Variants in RANBP2 observed in about 807,000 individuals in gnomAD.
RANBP2 encodes the protein RAN binding protein 2.
In RANBP2, 57 loss-of-function variants were observed where a neutral mutation model predicts 303.6. The observed-to-expected ratio is 0.19, with a 90% CI of 0.15 to 0.23. The LOEUF (loss-of-function observed/expected upper bound fraction) is 0.23. RANBP2 is among the 10% of genes least tolerant of loss of function. The pLI is 1.00. For missense variants in RANBP2, 3,138 were observed against 3,780.8 expected (o/e 0.83, Z 4.46); for synonymous variants, 1,167 against 1,301.5 (o/e 0.90, Z 2.23).
At chr2:109,389,144 A>C in the RANBP2 span, among the ~76,000 whole-genome samples, 1 of 152,220 alleles carries the variant, frequency 6.6e-6, no homozygotes, top group Non-Finnish European at 1.5e-5. Flanking sequence ...CATAGAACAC[A>C]GGTGAGCGTA....
the RANBP2 span, among the ~76,000 whole-genome samples, chr2:109,064,473 A>AAAC: frequency 2.7e-5 from 4 of 145,602 alleles, no homozygotes; most frequent in Non-Finnish European, 6.1e-5. Flanking sequence ...AAAAAAAAAC[A>AAAC]AAAACAAACT....
the RANBP2 span, among the ~76,000 whole-genome samples, chr2:109,119,781 C>A: frequency 2.8e-4 from 42 of 152,246 alleles, no homozygotes; most frequent in African/African-American, 9.1e-4. Flanking sequence ...ATTTTTAATA[C>A]TGAAAAAGAT....
the RANBP2 span, among the ~76,000 whole-genome samples, chr2:109,078,098 A>ATATATATATAGAGCGTG: frequency 6.7e-5 from 4 of 60,056 alleles, no homozygotes; most frequent in Admixed American, 7.7e-4. Flanking sequence ...ATATATATAT[A>ATATATATATAGAGCGTG]TATATATATA....
the RANBP2 span, among the ~76,000 whole-genome samples, chr2:108,858,571 T>G: frequency 6.6e-6 from 1 of 152,194 alleles, no homozygotes; most frequent in Non-Finnish European, 1.5e-5. Context: ...GCCAGTACGA[T>G]TTATTAGAGC....
chr2:109,234,499 C>T, the RANBP2 span, among the ~76,000 whole-genome samples: 1 of 152,198 alleles, frequency 6.6e-6, no homozygotes, highest in Admixed American at 6.5e-5. Flanking sequence ...TTCTTCTCAG[C>T]GAGTAGCTTG....
the RANBP2 span, among the ~76,000 whole-genome samples, chr2:109,439,902 AG>A: frequency 1.3e-5 from 2 of 152,192 alleles, no homozygotes; most frequent in African/African-American, 4.8e-5. Context: ...TTAGGTATTA[AG>A]AGAGTGTGGA....
the RANBP2 span, among the ~76,000 whole-genome samples, chr2:109,492,146 C>G: frequency 6.6e-6 from 1 of 152,162 alleles, no homozygotes; most frequent in Non-Finnish European, 1.5e-5. Flanking sequence ...GGCCGGTGTC[C>G]CAGTAAACCC....
chr2:108,764,676 C>G lies in RANBP2; in HGVS notation c.4137C>G (p.Asn1379Lys). The G allele has an allele frequency of 6.2e-7, 1 of 1,613,976 alleles. No individual in the cohort carries two copies. The highest frequency in any genetic ancestry group is 8.5e-7 in the Non-Finnish European group (1 of 1,179,948). ...AKKCVSCQNL[N>K]PSNKELVGPP... ...AATGTGTATCATGCCAAAATCTAAA[C>G]CCAAGCAATAAAGAGCTCGTTGGCC... The change falls in exon 20 of 29, where the codon AAC (asparagine) becomes AAG (lysine). Residue 1379 changes from asparagine to lysine, a missense_variant. Around this residue, in one of 20 missense-constraint regions of RANBP2, gnomAD observed 388 missense variants for 328.5 expected, o/e 1.18. Coordinates refer to ENST00000283195, the MANE Select transcript of RANBP2 (RefSeq NM_006267.5).
chr2:108,981,245 C>T, the RANBP2 span, among the ~76,000 whole-genome samples: 1 of 152,176 alleles, frequency 6.6e-6, no homozygotes, highest in Non-Finnish European at 1.5e-5. Flanking sequence ...CCTGTGTCCA[C>T]CTGAGGCTGG....
At chr2:109,532,188 T>C in the RANBP2 span, among the ~76,000 whole-genome samples, 1 of 152,204 alleles carries the variant, frequency 6.6e-6, no homozygotes, top group African/African-American at 2.4e-5. Context: ...CTAGAATTGC[T>C]TCTGGGCCCT....
At chr2:109,641,285 T>A in the RANBP2 span, among the ~76,000 whole-genome samples, 1 of 152,092 alleles carries the variant, frequency 6.6e-6, no homozygotes, top group African/African-American at 2.4e-5. Flanking sequence ...ATTACAGGAA[T>A]ACACCAGCAT....
the RANBP2 span, among the ~76,000 whole-genome samples, chr2:109,308,212 A>G: frequency 7.7e-6 from 1 of 130,636 alleles, no homozygotes; most frequent in Non-Finnish European, 1.6e-5. Flanking sequence ...TTGGCTGCAT[A>G]AATGTCTTCT....
At chr2:109,209,597 A>C in the RANBP2 span, among the ~76,000 whole-genome samples, 1 of 152,114 alleles carries the variant, frequency 6.6e-6, no homozygotes, top group Non-Finnish European at 1.5e-5. Context: ...TGAGTTTCCT[A>C]TCCACTCCCT....
At chr2:108,922,944 G>A in the RANBP2 span, among the ~76,000 whole-genome samples, 1 of 152,278 alleles carries the variant, frequency 6.6e-6, no homozygotes, top group Non-Finnish European at 1.5e-5. Context: ...CATTAATTGT[G>A]ATCACATTTA....
chr2:109,004,247 C>T, the RANBP2 span, among the ~76,000 whole-genome samples: 2 of 152,156 alleles, frequency 1.3e-5, no homozygotes, highest in African/African-American at 4.8e-5. Flanking sequence ...TGATGGCCCA[C>T]CCTCACGTGC....
chr2:109,271,448 G>A, the RANBP2 span, among the ~76,000 whole-genome samples: 33 of 152,184 alleles, frequency 2.2e-4, no homozygotes, highest in Non-Finnish European at 4.3e-4. Context: ...TTCAACAATG[G>A]ATACAGACCA....
At chr2:109,097,017 A>G in the RANBP2 span, among the ~76,000 whole-genome samples, 1 of 152,066 alleles carries the variant, frequency 6.6e-6, no homozygotes, top group South Asian at 2.1e-4. Flanking sequence ...TATACATAAA[A>G]ACTCTGGGCC....
chr2:109,151,543 C>A, the RANBP2 span, among the ~76,000 whole-genome samples: 1 of 152,228 alleles, frequency 6.6e-6, no homozygotes, highest in African/African-American at 2.4e-5. Context: ...ATATATTTAA[C>A]CCACTGTATC....
the RANBP2 span, among the ~76,000 whole-genome samples, chr2:109,285,138 T>A: frequency 6.6e-6 from 1 of 152,076 alleles, no homozygotes; most frequent in Non-Finnish European, 1.5e-5. Flanking sequence ...GGAGTAGGGG[T>A]GACAGTGAGG....
Sources: allele counts gnomAD v4.1 joint callset (sites outside exome capture counted in the v4.1 genomes callset), GRCh38; gene constraint gnomAD v4.1.1; regional missense constraint gnomAD v4.1.1; transcripts MANE v1.5; gene names NCBI Gene and HGNC (gene_info 2026-07-23, HGNC 2026-07-21).